RIMS1: variants seen among roughly 807,000 people sequenced by gnomAD.
The protein encoded by RIMS1 is regulating synaptic membrane exocytosis 1.
Under a neutral mutation model 214.1 loss-of-function variants are expected in RIMS1, and 83 were observed. That is an observed-to-expected ratio of 0.39 (90% CI 0.32 to 0.47). The LOEUF (loss-of-function observed/expected upper bound fraction) is 0.47. RIMS1 is among the 20% of genes least tolerant of loss of function. The probability of loss-of-function intolerance (pLI) is 0.99; values close to 1 mark genes in which losing one functional copy is unlikely to be tolerated. For synonymous variants in RIMS1, 793 were observed against 786.8 expected, an observed-to-expected ratio of 1.01 and a Z score of -0.13; for missense variants, 2,050 against 2,161.8, an observed-to-expected ratio of 0.95 and a Z score of 1.03.
chr6:72,291,389 T>G (rs17689388), intron 25 of RIMS1, among the ~76,000 whole-genome samples: 30,692 of 152,204 alleles, frequency 0.2, 3,904 homozygotes, highest in Non-Finnish European at 0.28. Context: ...CACCAGTGTA[T>G]TTCATAACAT....
At chr6:72,237,048 A>C (rs1201248680) in intron 8 of RIMS1, among the ~76,000 whole-genome samples, 1 of 152,050 alleles carries the variant, frequency 6.6e-6, no homozygotes, top group Non-Finnish European at 1.5e-5. Context: ...AATTAAAATT[A>C]AAAAATTATC....
intron 29 of RIMS1, among the ~76,000 whole-genome samples, chr6:72,358,469 G>T (rs1162414766): frequency 6.6e-6 from 1 of 152,010 alleles, no homozygotes; most frequent in Non-Finnish European, 1.5e-5. Context: ...AGAATTACTG[G>T]TTAGCAAAGA....
At chr6:72,388,168 G>A (rs1263231459) in intron 29 of RIMS1, among the ~76,000 whole-genome samples, 1 of 152,236 alleles carries the variant, frequency 6.6e-6, no homozygotes, top group Non-Finnish European at 1.5e-5. Context: ...AAGCAGTGCT[G>A]TGAAGAAAAA....
Position 72,120,761 on chromosome 6 carries a change from T to C in RIMS1, c.471+20775T>C, listed in dbSNP as rs574148975. On this transcript the variant is annotated intron_variant, in intron 4 of 33. Transcript: ENST00000521978. The stretch of plus-strand genomic sequence containing the variant: ...GTCCTGAATGGTATTGCCTAGGTTT[T>C]CTTCTAGGGTTTTTATGGTTTTAGG... Among the ~76,000 whole-genome samples, 29 of 152,084 alleles carry C rather than the reference T, an allele frequency of 1.9e-4. No individual in the cohort carries two copies. In the South Asian group the frequency reaches 6.0e-3, roughly 32 times the overall value.
At chr6:72,332,972 TGAA>T (rs1235932905) in intron 28 of RIMS1, among the ~76,000 whole-genome samples, 4 of 151,530 alleles carry the variant, frequency 2.6e-5, no homozygotes, top group Middle Eastern at 3.4e-3. Context: ...GGAAATGAGA[TGAA>T]GAAGTTTGTG....
chr6:72,130,267 G>A (rs186907015), intron 4 of RIMS1, among the ~76,000 whole-genome samples: 1 of 152,092 alleles, frequency 6.6e-6, no homozygotes, highest in African/African-American at 2.4e-5. Flanking sequence ...TTTATGTGGT[G>A]TAAGCCATTC....
intron 1 of RIMS1, among the ~76,000 whole-genome samples, chr6:71,960,876 G>A (rs542653637): frequency 1.6e-4 from 24 of 151,992 alleles, no homozygotes; most frequent in Non-Finnish European, 3.4e-4. Context: ...AGAGAAGCTG[G>A]GTACTCAAGA....
intron 29 of RIMS1, among the ~76,000 whole-genome samples, chr6:72,364,774 G>A (rs2154392747): frequency 6.6e-6 from 1 of 152,284 alleles, no homozygotes; most frequent in Non-Finnish European, 1.5e-5. Context: ...TAGGCAATTG[G>A]GGTTCTATGG....
chr6:72,038,374 T>C (rs907734241), intron 2 of RIMS1, among the ~76,000 whole-genome samples: 2 of 151,850 alleles, frequency 1.3e-5, no homozygotes, highest in Non-Finnish European at 2.9e-5. Context: ...ATACAAAAGA[T>C]AGTATTCAAA....
intron 4 of RIMS1, among the ~76,000 whole-genome samples, chr6:72,130,200 C>G (rs2040227581): frequency 1.3e-5 from 2 of 152,098 alleles, no homozygotes; most frequent in Admixed American, 1.3e-4. Context: ...CCCAAACTCT[C>G]TGACTAGATG....
At chr6:72,388,280 C>A (rs1171826219) in intron 29 of RIMS1, among the ~76,000 whole-genome samples, 1 of 152,098 alleles carries the variant, frequency 6.6e-6, no homozygotes, top group Non-Finnish European at 1.5e-5. Context: ...TCAGAAGAGA[C>A]AAACAGAAGT....
chr6:72,400,379 A>G, intron 33 of RIMS1, 117 bp from the exon 34 acceptor site: 1 of 775,300 alleles, frequency 1.3e-6, no homozygotes, highest in Non-Finnish European at 2.2e-6. Flanking sequence ...AGTTGTATTC[A>G]TTATTCTTTT....
intron 6 of RIMS1, among the ~76,000 whole-genome samples, chr6:72,224,923 A>G (rs193081244): frequency 2.0e-4 from 31 of 152,338 alleles, no homozygotes; most frequent in Non-Finnish European, 5.9e-5. Context: ...AGTTTTATTA[A>G]TATGGCTATC....
At chr6:72,054,790 A>C (rs1825720301) in intron 2 of RIMS1, among the ~76,000 whole-genome samples, 1 of 151,882 alleles carries the variant, frequency 6.6e-6, no homozygotes, top group Admixed American at 6.6e-5. Context: ...TTTTCTTGTA[A>C]ATTTGTTTAA....
chr6:71,987,940 G>A (rs189842102), intron 2 of RIMS1, among the ~76,000 whole-genome samples: 4 of 152,218 alleles, frequency 2.6e-5, no homozygotes, highest in East Asian at 3.9e-4. Flanking sequence ...ATTTGCATTT[G>A]AACAGTGAGT....
chr6:72,242,258 AC>A, intron 9 of RIMS1, 55 bp from the exon 10 acceptor site: 1 of 1,310,976 alleles, frequency 7.6e-7, no homozygotes, highest in Non-Finnish European at 1.0e-6. Context: ...GAGAAAAGAT[AC>A]GAAAAATAAA....
At chr6:72,319,431 G>C (rs1007933097) in intron 28 of RIMS1, among the ~76,000 whole-genome samples, 1 of 152,098 alleles carries the variant, frequency 6.6e-6, no homozygotes, top group African/African-American at 2.4e-5. Flanking sequence ...TGAATATAAG[G>C]GAGAAGAATG....
chr6:71,931,300 T>G (rs1782958047), intron 1 of RIMS1, among the ~76,000 whole-genome samples: 1 of 151,960 alleles, frequency 6.6e-6, no homozygotes, highest in Non-Finnish European at 1.5e-5. Context: ...AGCAAGAAAA[T>G]CTGACAGTAA....
intron 1 of RIMS1, among the ~76,000 whole-genome samples, chr6:71,933,113 A>G (rs1312365950): frequency 4.6e-5 from 7 of 152,134 alleles, no homozygotes; most frequent in Admixed American, 3.3e-4. Flanking sequence ...AGAATGGGAG[A>G]GTGGGGAGTA....
Sources: gnomAD v4.1 joint callset for allele counts (sites outside exome capture counted in the v4.1 genomes callset) on GRCh38, gnomAD v4.1.1 for gene constraint, MANE v1.5 for transcripts, NCBI Gene and HGNC (gene_info 2026-07-23, HGNC 2026-07-21) for gene names.